The following PPHLN1 variants were observed in gnomAD, a reference collection of about 807,000 sequenced individuals.
The protein encoded by PPHLN1 is periphilin 1.
PPHLN1 carries 29 observed loss-of-function variants against 51.3 expected under a neutral mutation model. The observed-to-expected ratio is 0.57, with a 90% CI of 0.42 to 0.77. The LOEUF (loss-of-function observed/expected upper bound fraction) is 0.77, where lower values mean the gene tolerates loss of function less well. Among genes scored for constraint, PPHLN1 ranks in the 30% least tolerant of loss-of-function variants. PPHLN1 has a pLI of 0.00. For missense variants in PPHLN1, 436 were observed against 438.4 expected (o/e 0.99, Z 0.05); for synonymous variants, 147 against 147.8 (o/e 0.99, Z 0.04).
intron 5 of PPHLN1, 47 bp downstream of exon 5, chr12:42,375,121 T>TCAGTACATTCTCATCA: frequency 7.2e-7 from 1 of 1,386,862 alleles, no homozygotes; most frequent in Non-Finnish European, 1.0e-6. Flanking sequence ...TCTCCTCTGA[T>TCAGTACATTCTCATCA]GAGAATGTAC....
At chr12:42,392,170 C>T (rs775295599) in intron 7 of PPHLN1, among the ~76,000 whole-genome samples, 2 of 152,122 alleles carry the variant, frequency 1.3e-5, no homozygotes, top group African/African-American at 2.4e-5. Flanking sequence ...GAGCCGAGAT[C>T]GCGGCACTGC....
chr12:42,352,575 A>G (rs1231282598), intron 3 of PPHLN1, among the ~76,000 whole-genome samples: 2 of 151,090 alleles, frequency 1.3e-5, no homozygotes, highest in African/African-American at 4.9e-5. Context: ...GTGCCTGGCT[A>G]ATTTTTGTGT....
In PPHLN1 at chr12:42,379,433, A is replaced by AT. The variant is rs550516590; in HGVS notation, c.511+4360dup. 4.5e-4 allele frequency among the ~76,000 whole-genome samples: 69 copies of AT among 151,654 alleles called. No individual in the cohort carries two copies. In the South Asian group the frequency reaches 5.6e-3, roughly 12 times the overall value. ...ACCTGTTACATATTGGAGGAGTACT[A>AT]TCATATTCTTCATGTTTTTTTTTTC... On this transcript the variant is annotated intron_variant, in intron 5 of 9. Transcript: ENST00000358314.
chr12:42,361,798 G>C (rs1326607335), intron 4 of PPHLN1: 2 of 152,162 alleles, frequency 1.3e-5, no homozygotes, highest in Non-Finnish European at 2.9e-5. Context: ...CATTTGAATT[G>C]TTTTCAACTT....
At chr12:42,404,346 T>C (rs1056702161) in intron 9 of PPHLN1, among the ~76,000 whole-genome samples, 1 of 152,016 alleles carries the variant, frequency 6.6e-6, no homozygotes, top group Admixed American at 6.6e-5. Context: ...CTGGCCAACA[T>C]AGTGAAACAC....
intron 9 of PPHLN1, 84 bp downstream of exon 9, chr12:42,399,078 ATTTCT>A (rs2139304866): frequency 1.3e-6 from 2 of 1,517,146 alleles, no homozygotes; most frequent in African/African-American, 1.4e-5. Context: ...AATATGCTTC[ATTTCT>A]TTTTCCACCT....
At chr12:42,401,483 C>G (rs947680996) in intron 9 of PPHLN1, among the ~76,000 whole-genome samples, 1 of 137,226 alleles carries the variant, frequency 7.3e-6, no homozygotes, top group Non-Finnish European at 1.5e-5. Flanking sequence ...AGGAACTGGG[C>G]GTCACAGCAG....
In PPHLN1 at chr12:42,433,029, C is replaced by G. The variant is rs1392346483; in HGVS notation, c.910-8286C>G. The G allele has an allele frequency of 3.0e-6, 3 of 1,009,670 alleles. No homozygotes were observed. The African/African-American group carries it at 4.7e-5, about 16-fold the overall frequency. 62.5% of individuals were successfully genotyped at this position (1,009,670 alleles called of 1,614,324 possible). A position where few individuals can be genotyped will look rare whatever the true frequency, so the allele number is the denominator to read the frequency against. On this transcript the variant is annotated intron_variant, in intron 9 of 9. Transcript: ENST00000358314. Reference sequence around the variant, plus strand: ...TTAGCACACGCCTCTCTCATATCCTCAGGAAAATCCACTGTGCATTTAAAG... The same window carrying G: ...TTAGCACACGCCTCTCTCATATCCTGAGGAAAATCCACTGTGCATTTAAAG...
chr12:42,382,742 G>A (rs1161398061), intron 5 of PPHLN1, among the ~76,000 whole-genome samples: 11 of 152,176 alleles, frequency 7.2e-5, no homozygotes, highest in African/African-American at 2.7e-4. Context: ...GGAAGGGGTA[G>A]CTATGAAGAT....
At chr12:42,368,471 C>G (rs2075489680) in intron 4 of PPHLN1, among the ~76,000 whole-genome samples, 1 of 152,042 alleles carries the variant, frequency 6.6e-6, no homozygotes, top group African/African-American at 2.4e-5. Context: ...CCATTCATGT[C>G]AGAATTGCTA....
At position 42,401,655 on chromosome 12, in the gene PPHLN1, C is replaced by T. The variant is rs561903434; in HGVS notation, c.909+2661C>T. 5.1e-4 allele frequency among the ~76,000 whole-genome samples: 77 copies of T among 152,266 alleles called. 1 individual carries two copies. The highest frequency in any genetic ancestry group is 1.6e-3 in the African/African-American group (68 of 41,554). ...GGGATCTAGGTTGTGTGCCCTCTCA[C>T]TCCTTCCGTGGAAAAAATTGTCTTC... is the stretch of plus-strand genomic sequence containing the variant. On this transcript the variant is annotated intron_variant, in intron 9 of 9. Transcript: ENST00000358314.
At chr12:42,431,332 T>G in intron 9 of PPHLN1, among the ~76,000 whole-genome samples, 1 of 152,198 alleles carries the variant, frequency 6.6e-6, no homozygotes, top group Non-Finnish European at 1.5e-5. Flanking sequence ...CAGCCAGTGC[T>G]TTCATAAAGA....
chr12:42,364,279 T>C (rs917876189), intron 4 of PPHLN1, among the ~76,000 whole-genome samples: 2 of 152,018 alleles, frequency 1.3e-5, no homozygotes, highest in Admixed American at 6.6e-5. Flanking sequence ...TGAAGTATTA[T>C]ATAATGTTGA....
intron 9 of PPHLN1, among the ~76,000 whole-genome samples, chr12:42,425,837 C>T (rs765684813): frequency 6.6e-5 from 10 of 152,142 alleles, no homozygotes; most frequent in African/African-American, 4.8e-5. Flanking sequence ...TGTGTATACA[C>T]GATACAGGAT....
intron 9 of PPHLN1, among the ~76,000 whole-genome samples, chr12:42,400,832 ACG>A (rs1372659990): frequency 7.0e-6 from 1 of 142,590 alleles, no homozygotes; most frequent in East Asian, 2.1e-4. Flanking sequence ...ACACACACAC[ACG>A]TGCACGCAAG....
chr12:42,378,977 C>T (rs2076536345), intron 5 of PPHLN1, among the ~76,000 whole-genome samples: 1 of 151,964 alleles, frequency 6.6e-6, no homozygotes, highest in Non-Finnish European at 1.5e-5. Context: ...CATGTCCTTT[C>T]TCCCTGTGTA....
intron 4 of PPHLN1, among the ~76,000 whole-genome samples, chr12:42,357,297 A>AATATGAAAGAGT (rs1294423316): frequency 2.0e-5 from 3 of 152,172 alleles, no homozygotes; most frequent in African/African-American, 2.4e-5. Flanking sequence ...TTTTAAGACT[A>AATATGAAAGAGT]ATATGAAAGA....
intron 5 of PPHLN1, among the ~76,000 whole-genome samples, chr12:42,379,474 T>G (rs1429770995): frequency 1.3e-5 from 2 of 151,970 alleles, no homozygotes; most frequent in Non-Finnish European, 2.9e-5. Context: ...TTAAATATAT[T>G]TGGTTTATTT....
In PPHLN1 at chr12:42,384,601, A is replaced by G. The variant is rs149616582; in HGVS notation, c.512-339A>G. Among the ~76,000 whole-genome samples, 308 of 152,300 alleles carry G rather than the reference A, an allele frequency of 2.0e-3. 1 individual carries two copies. Among genetic ancestry groups the G allele is most frequent in the African/African-American group, 7.0e-3 (292 of 41,566 alleles). Reference sequence around the variant, plus strand: ...AGAATTCGACTAGGTACTTTCAGTGATGAATAAGATGTGATCTTTGTCTTC... The same window carrying G: ...AGAATTCGACTAGGTACTTTCAGTGGTGAATAAGATGTGATCTTTGTCTTC... On this transcript the variant is annotated intron_variant, in intron 5 of 9. Transcript: ENST00000358314.
Sources: allele counts gnomAD v4.1 joint callset (sites outside exome capture counted in the v4.1 genomes callset), GRCh38; gene constraint gnomAD v4.1.1; transcripts MANE v1.5; gene names NCBI Gene and HGNC (gene_info 2026-07-23, HGNC 2026-07-21).